AR: variants seen among roughly 807,000 people sequenced by gnomAD.
The protein encoded by AR is dihydrotestosterone receptor.
Under a neutral mutation model 53.9 loss-of-function variants are expected in AR, and 8 were observed. That is an observed-to-expected ratio of 0.15 (90% CI 0.09 to 0.27). The LOEUF (loss-of-function observed/expected upper bound fraction) is 0.27. Among genes scored for constraint, AR ranks in the 10% least tolerant of loss-of-function variants. The probability of loss-of-function intolerance (pLI) is 1.00; values close to 1 mark genes in which losing one functional copy is unlikely to be tolerated. For missense variants in AR, 639 were observed against 742.5 expected, an observed-to-expected ratio of 0.86 and a Z score of 1.62; for synonymous variants, 359 against 316.4, an observed-to-expected ratio of 1.13 and a Z score of -1.43.
At chrX:67,716,109 T>C (rs2076112098) in intron 4 of AR, among the ~76,000 whole-genome samples, 1 of 111,962 alleles carries the variant, frequency 8.9e-6, no homozygotes. Context: ...TTAGGCCATT[T>C]GTTTAGGTAA....
chrX:67,718,636 A>AT (rs762208899), intron 5 of AR, among the ~76,000 whole-genome samples: 16 of 110,021 alleles, frequency 1.5e-4, no homozygotes, highest in African/African-American at 4.3e-4. Context: ...ATAGTGATAC[A>AT]TTTTTTTTCC....
At chrX:67,662,433 C>T (rs780998866) in intron 2 of AR, among the ~76,000 whole-genome samples, 144 of 111,275 alleles carry the variant, frequency 1.3e-3, no homozygotes, top group African/African-American at 4.4e-3. Flanking sequence ...TTATTTCTGC[C>T]TTCATTTCAT....
intron 1 of AR, among the ~76,000 whole-genome samples, chrX:67,550,508 A>G (rs1461129492): frequency 1.8e-5 from 2 of 110,586 alleles, no homozygotes; most frequent in African/African-American, 6.6e-5. Flanking sequence ...AGAAATGTGG[A>G]CAATTTTATT....
intron 6 of AR, chrX:67,722,264 T>G: frequency 6.9e-6 from 2 of 290,670 alleles, no homozygotes; most frequent in East Asian, 7.1e-5. Context: ...AATTTTTCCA[T>G]AGCTTCTGCT....
chrX:67,690,641 A>T (rs1219853004), intron 3 of AR, among the ~76,000 whole-genome samples: 1 of 112,104 alleles, frequency 8.9e-6, no homozygotes, highest in Non-Finnish European at 1.9e-5. Flanking sequence ...GCAAATATTT[A>T]TTGAGTACCA....
chrX:67,558,077 C>A (rs769722866), intron 1 of AR, among the ~76,000 whole-genome samples: 12 of 111,562 alleles, frequency 1.1e-4, no homozygotes, highest in Non-Finnish European at 1.7e-4. Context: ...GGGTGAGGTG[C>A]CTGAGGCACC....
chrX:67,590,244 T>G (rs1922763540), intron 1 of AR, among the ~76,000 whole-genome samples: 1 of 111,418 alleles, frequency 9.0e-6, no homozygotes, highest in South Asian at 3.8e-4. Flanking sequence ...CTTCTTTTTT[T>G]CTTGGGTTAA....
intron 1 of AR, among the ~76,000 whole-genome samples, chrX:67,560,506 C>T (rs955399050): frequency 9.0e-6 from 1 of 111,701 alleles, no homozygotes; most frequent in African/African-American, 3.3e-5. Flanking sequence ...TTTCCCTATT[C>T]TTCGTGCTTA....
chrX:67,706,281 CT>C (rs2076066994), intron 3 of AR, among the ~76,000 whole-genome samples: 1 of 111,273 alleles, frequency 9.0e-6, no homozygotes, highest in Admixed American at 9.5e-5. Context: ...TAGTCCTGGA[CT>C]TTTTTTGGCT....
At chrX:67,577,853 A>G (rs997568173) in intron 1 of AR, among the ~76,000 whole-genome samples, 8 of 111,424 alleles carry the variant, frequency 7.2e-5, no homozygotes, top group Non-Finnish European at 1.3e-4. Flanking sequence ...AGATCTTACA[A>G]TATATTTTGG....
At chrX:67,565,906 C>A (rs1204040) in intron 1 of AR, among the ~76,000 whole-genome samples, 29,339 of 110,733 alleles carry the variant, frequency 0.26, 4,493 homozygotes, top group African/African-American at 0.59. Context: ...TTGCCCAGGC[C>A]GGTCCTGAAT....
chrX:67,730,062 G>A lies in AR; in HGVS notation c.*6221G>A, dbSNP rs1472312191. On this transcript the variant is annotated 3_prime_UTR_variant, in exon 8 of 8. Transcript: ENST00000374690. The stretch of plus-strand genomic sequence containing the variant: ...TTCCTCTAGACTGGAACATTGATTA[G>A]GGAGTGCCTCAGACATGACATTCTT... 1 of 173,384 alleles carries A rather than the reference G, an allele frequency of 5.8e-6. No individual in the cohort carries two copies. The highest frequency in any genetic ancestry group is 3.0e-5 in the African/African-American group (1 of 33,738). 14.3% of individuals were successfully genotyped at this position (173,384 alleles called of 1,213,427 possible).
intron 2 of AR, among the ~76,000 whole-genome samples, chrX:67,651,597 C>T (rs1190208065): frequency 1.8e-5 from 2 of 111,682 alleles, no homozygotes; most frequent in Non-Finnish European, 3.8e-5. Flanking sequence ...AAGTACTATG[C>T]CTAGGCAACA....
At position 67,546,354 on chromosome X, in the gene AR, C is replaced by G. The variant is rs772490323; in HGVS notation, c.1208C>G (p.Ala403Gly). The change falls in exon 1 of 8, where the codon GCG (alanine) becomes GGG (glycine). Residue 403 changes from alanine (A) to glycine (G), a missense_variant. This residue lies in a region of AR where 423 missense variants were observed against 377.0 expected (regional missense o/e 1.12). Coordinates refer to ENST00000374690, the MANE Select transcript of AR (RefSeq NM_000044.6). ...TACGGCAGCGCCTGGGCGGCTGCGG[C>G]GGCGCAGTGCCGCTATGGGGACCTG... is the stretch of plus-strand genomic sequence containing the variant. ...LDYGSAWAAA[A>G]AQCRYGDLAS... 8.4e-7 allele frequency: 1 copy of G among 1,186,209 alleles called. No homozygotes were observed. Among genetic ancestry groups the G allele is most frequent in the Middle Eastern group, 2.5e-4 (1 of 4,036 alleles).
intron 3 of AR, chrX:67,689,742 G>C (rs1254955847): frequency 4.8e-6 from 4 of 832,290 alleles, no homozygotes; most frequent in Non-Finnish European, 5.8e-6. Flanking sequence ...TAAATCCCTT[G>C]ACTACTTTTC....
chrX:67,706,181 C>A (rs2076066400), intron 3 of AR, among the ~76,000 whole-genome samples: 1 of 111,569 alleles, frequency 9.0e-6, no homozygotes, highest in Non-Finnish European at 1.9e-5. Context: ...AGGGAGGATT[C>A]CCTCTTTTTC....
Position 67,545,095 on chromosome X carries a change from G to A in AR, c.-52G>A. 1.7e-6 allele frequency: 2 copies of A among 1,165,804 alleles called. No homozygotes were observed. The highest frequency in any genetic ancestry group is 2.3e-6 in the Non-Finnish European group (2 of 874,896). ...GCCTGTTGAACTCTTCTGAGCAAGA[G>A]AAGGGGAGGCGGGGTAAGGGAAGTA... is the stretch of plus-strand genomic sequence containing the variant. On this transcript the variant is annotated 5_prime_UTR_variant, in exon 1 of 8. Coordinates refer to ENST00000374690, the MANE Select transcript of AR (RefSeq NM_000044.6).
At chrX:67,622,431 G>A (rs1381049527) in intron 1 of AR, among the ~76,000 whole-genome samples, 1 of 111,746 alleles carries the variant, frequency 8.9e-6, no homozygotes, top group African/African-American at 3.3e-5. Context: ...GATTCCAGGA[G>A]AAAAGGACAG....
rs773040093 is a variant in AR at position 67,546,065 on chromosome X, G to A, written c.919G>A (p.Ala307Thr). ...CGCAGGCAAGAGCACTGAAGATACT[G>A]CTGAGTATTCCCCTTTCAAGGGAGG... ...DSAGKSTEDT[A>T]EYSPFKGGYT... Residue 307 changes from alanine (A) to threonine (T), a missense_variant, in exon 1 of 8, where the codon GCT becomes ACT. Coordinates refer to ENST00000374690, the MANE Select transcript of AR (RefSeq NM_000044.6). The A allele has an allele frequency of 1.1e-5, 13 of 1,211,225 alleles. 1 individual carries two copies. In the Admixed American group the frequency reaches 2.4e-4, roughly 22 times the overall value.
Sources: allele counts gnomAD v4.1 joint callset (sites outside exome capture counted in the v4.1 genomes callset), GRCh38; gene constraint gnomAD v4.1.1; regional missense constraint gnomAD v4.1.1; transcripts MANE v1.5; gene names NCBI Gene and HGNC (gene_info 2026-07-23, HGNC 2026-07-21).